Variants in NID2 observed in about 807,000 individuals in gnomAD.
The protein encoded by NID2 is nidogen 2.
NID2 carries 83 observed loss-of-function variants against 145.4 expected under a neutral mutation model. The observed-to-expected ratio is 0.57, with a 90% CI of 0.48 to 0.69. The LOEUF is 0.69. Among genes scored for constraint, NID2 ranks in the 30% least tolerant of loss-of-function variants. The pLI is 0.00. For missense variants in NID2, 1,807 were observed against 1,765.7 expected (o/e 1.02, Z -0.42); for synonymous variants, 739 against 701.3 (o/e 1.05, Z -0.85).
intron 12 of NID2, among the ~76,000 whole-genome samples, chr14:52,022,852 C>G (rs1277041478): frequency 6.6e-6 from 1 of 152,222 alleles, no homozygotes; most frequent in Non-Finnish European, 1.5e-5. Context: ...TCACCACTGC[C>G]CACTTGCCTT....
At chr14:52,048,094 A>G (rs1336838753) in intron 5 of NID2, among the ~76,000 whole-genome samples, 1 of 152,200 alleles carries the variant, frequency 6.6e-6, no homozygotes, top group Admixed American at 6.5e-5. Context: ...GGTGTTGCTC[A>G]TCAATGTCGT....
In NID2 at chr14:52,068,026, G is replaced by A. The variant is rs1893287269; in HGVS notation, c.366C>T (p.Val122=). ...CGGGGGAGGTGTCCTCTCGGTACAG[G>A]ACTCGGCCTCTGCCGTGGCTCGTGT... The part of the protein sequence containing the change: ...DIDTSHGRGR[V]LYREDTSPAV... The change falls in exon 2 of 22, where the codon GTC becomes GTT. Residue 122 remains valine (V), a synonymous_variant. Coordinates refer to ENST00000216286, the MANE Select transcript of NID2 (RefSeq NM_007361.4). The A allele has an allele frequency of 2.5e-6, 4 of 1,613,990 alleles. No individual in the cohort carries two copies. The highest frequency in any genetic ancestry group is 3.4e-6 in the Non-Finnish European group (4 of 1,179,932).
At chr14:52,036,981 A>T (rs1892095490) in intron 9 of NID2, among the ~76,000 whole-genome samples, 1 of 152,138 alleles carries the variant, frequency 6.6e-6, no homozygotes, top group African/African-American at 2.4e-5. Context: ...AAACTGTTAA[A>T]ATTTTGATGA....
At chr14:52,052,514 T>TTCAAAC (rs1892711492) in intron 5 of NID2, among the ~76,000 whole-genome samples, 2 of 152,202 alleles carry the variant, frequency 1.3e-5, no homozygotes, top group South Asian at 4.1e-4. Flanking sequence ...GCAGCCAGGA[T>TTCAAAC]TCAAACTCGA....
At chr14:52,049,019 G>C (rs778955084) in intron 5 of NID2, among the ~76,000 whole-genome samples, 4 of 152,152 alleles carry the variant, frequency 2.6e-5, no homozygotes, top group African/African-American at 9.7e-5. Flanking sequence ...CTCCTGCCAC[G>C]GAGAGTCAGA....
chr14:52,030,552 G>GAGAAAGAAAGAGAAAGAAAGA lies in NID2; in HGVS notation c.2258-863_2258-862insTCTTTCTTTCTCTTTCTTTCT, dbSNP rs1566755531. Among the ~76,000 whole-genome samples the GAGAAAGAAAGAGAAAGAAAGA allele has an allele frequency of 2.0e-4, 10 of 50,666 alleles. 1 individual carries two copies. Among genetic ancestry groups the GAGAAAGAAAGAGAAAGAAAGA allele is most frequent in the African/African-American group, 6.1e-4 (9 of 14,768 alleles). The allele number at this position is 50,666 out of a possible 152,430, so 33.2% of individuals were successfully genotyped here. A position where few individuals can be genotyped will look rare whatever the true frequency, so the allele number is the denominator to read the frequency against. ...AGAAAGAAAGAAAGAAAGAAAGAAA[G>GAGAAAGAAAGAGAAAGAAAGA]AAAGAAAGAAAGAAAGGAAGGAAGG... On this transcript the variant is annotated intron_variant, in intron 9 of 21. Transcript: ENST00000216286.
In NID2 at chr14:52,029,542, C is replaced by T. The variant is rs760768138; in HGVS notation, c.2401+5G>A. ...AAGAAGGAGACACGAGAACATGGCT[C>T]TTACCCACACAGTTCCGTCCATCTC... On this transcript the variant is annotated splice_donor_5th_base_variant and intron_variant, in intron 10 of 21. Coordinates refer to ENST00000216286, the MANE Select transcript of NID2 (RefSeq NM_007361.4). The T allele has an allele frequency of 1.2e-6, 2 of 1,607,564 alleles. No homozygotes were observed. The highest frequency in any genetic ancestry group is 2.7e-5 in the African/African-American group (2 of 74,944).
At chr14:52,043,717 T>C (rs1430590220) in intron 5 of NID2, among the ~76,000 whole-genome samples, 1 of 152,058 alleles carries the variant, frequency 6.6e-6, no homozygotes, top group Non-Finnish European at 1.5e-5. Context: ...GAGGGCCATC[T>C]GTGCTGCAAA....
rs1428599372 is a variant in NID2, at chr14:52,068,851, C to A, written c.144G>T (p.Leu48=). The A allele has an allele frequency of 1.2e-6, 2 of 1,613,516 alleles. No homozygotes were observed. Among genetic ancestry groups the A allele is most frequent in the Admixed American group, 3.3e-5 (2 of 60,034 alleles). ...CTGAGCTTTCGTCGTCGCCTTCCTG[C>A]AGGAGCTGGTCCCCCCACGACTCCC... ...PHGESWGDQL[L]QEGDDESSAV... The change falls in exon 1 of 22, where the codon CTG becomes CTT. Residue 48 remains leucine (L), a synonymous_variant. Coordinates refer to ENST00000216286, the MANE Select transcript of NID2 (RefSeq NM_007361.4).
At chr14:52,032,804 G>GAAA (rs3030384) in intron 9 of NID2, among the ~76,000 whole-genome samples, 2 of 141,812 alleles carry the variant, frequency 1.4e-5, no homozygotes, top group Admixed American at 7.0e-5. Context: ...GGCATTAAAA[G>GAAA]AAAAAAAAAA....
chr14:52,036,860 T>C (rs1048186127), intron 9 of NID2, among the ~76,000 whole-genome samples: 4 of 51,642 alleles, frequency 7.7e-5, no homozygotes, highest in Non-Finnish European at 1.1e-4. Context: ...TGTTTTTTTA[T>C]TGAGTTGTAA....
At chr14:52,047,303 G>T (rs1445276943) in intron 5 of NID2, among the ~76,000 whole-genome samples, 2 of 152,146 alleles carry the variant, frequency 1.3e-5, no homozygotes, top group Non-Finnish European at 2.9e-5. Flanking sequence ...CATGGTCAGG[G>T]AAGACCTCAG....
chr14:52,009,372 G>A (rs1430186651), intron 18 of NID2: 2 of 152,232 alleles, frequency 1.3e-5, no homozygotes, highest in Non-Finnish European at 2.9e-5. Flanking sequence ...GCCAGAGGAA[G>A]AAAGTTGTAA....
rs1244267239 is a variant in NID2 at position 52,069,036 on chromosome 14, G to A, written c.-42C>T. 2.7e-6 allele frequency: 4 copies of A among 1,493,884 alleles called. No homozygotes were observed. In the Admixed American group the frequency reaches 7.2e-5, roughly 27 times the overall value. The allele number at this position is 1,493,884 out of a possible 1,614,324, so 92.5% of individuals were successfully genotyped here. On this transcript the variant is annotated 5_prime_UTR_variant, in exon 1 of 22. Coordinates refer to ENST00000216286, the MANE Select transcript of NID2 (RefSeq NM_007361.4). ...GCTTACCCGCTGCACAACGCGTCCC[G>A]CCCCGGCCTCCAGCCCACTCTCCGC... is the stretch of plus-strand genomic sequence containing the variant.
Position 52,068,960 on chromosome 14 carries a change from A to C in NID2, c.35T>G (p.Leu12Arg), listed in dbSNP as rs1251768401. ...CAGCAGTAGCACTGGTAACGACGAC[A>C]GCACCGGCCGCCCGGCCACCCGGTC... ...EGDRVAGRPV[L>R]SSLPVLLLLP... Residue 12 changes from leucine (L) to arginine (R), a missense_variant, in exon 1 of 22, where the codon CTG (leucine) becomes CGG (arginine). Coordinates refer to ENST00000216286, the MANE Select transcript of NID2 (RefSeq NM_007361.4). 4.3e-6 allele frequency: 7 copies of C among 1,612,864 alleles called. No individual in the cohort carries two copies. Among genetic ancestry groups the C allele is most frequent in the Non-Finnish European group, 5.9e-6 (7 of 1,179,718 alleles).
At chr14:52,058,258 CT>C (rs1892919254) in intron 3 of NID2, among the ~76,000 whole-genome samples, 1 of 152,212 alleles carries the variant, frequency 6.6e-6, no homozygotes, top group African/African-American at 2.4e-5. Flanking sequence ...GAAAACACCA[CT>C]TACATAGCAA....
intron 7 of NID2, among the ~76,000 whole-genome samples, 167 bp downstream of exon 7, chr14:52,041,938 G>A (rs949599450): frequency 6.6e-6 from 1 of 152,212 alleles, no homozygotes; most frequent in Non-Finnish European, 1.5e-5. Context: ...GTGATGTGAG[G>A]TCAAACCATT....
intron 18 of NID2, chr14:52,009,593 T>A (rs960251507): frequency 6.6e-6 from 1 of 152,234 alleles, no homozygotes; most frequent in Admixed American, 6.5e-5. Flanking sequence ...ATGGCTGTGA[T>A]GTGGATTTCA....
intron 16 of NID2, among the ~76,000 whole-genome samples, chr14:52,012,547 G>A (rs141966608): frequency 2.6e-5 from 4 of 152,180 alleles, no homozygotes; most frequent in Admixed American, 1.3e-4. Flanking sequence ...GCACCAAGCC[G>A]AGATGGTGCC....
Sources: allele counts gnomAD v4.1 joint callset (sites outside exome capture counted in the v4.1 genomes callset), GRCh38; gene constraint gnomAD v4.1.1; transcripts MANE v1.5; gene names NCBI Gene and HGNC (gene_info 2026-07-23, HGNC 2026-07-21).